The following NEDD4L variants were observed in gnomAD, a reference collection of about 807,000 sequenced individuals.
NEDD4L encodes E3 ubiquitin-protein ligase NEDD4-like.
Under a neutral mutation model 148.9 loss-of-function variants are expected in NEDD4L, and 54 were observed. The ratio of observed to expected loss-of-function variants is 0.36; its 90% CI spans 0.29 to 0.45. The LOEUF (loss-of-function observed/expected upper bound fraction) is 0.45. Among genes scored for constraint, NEDD4L ranks in the 20% least tolerant of loss-of-function variants. The pLI is 1.00. For missense variants in NEDD4L, 856 were observed against 1,233.8 expected (o/e 0.69, Z 4.59); for synonymous variants, 433 against 440.7 (o/e 0.98, Z 0.22).
chr18:58,371,150 C>T (rs966163900), intron 23 of NEDD4L, among the ~76,000 whole-genome samples: 1 of 151,834 alleles, frequency 6.6e-6, no homozygotes, highest in Non-Finnish European at 1.5e-5. Context: ...AATTCCCCTG[C>T]CTCAGCCTCT....
chr18:58,277,758 G>A (rs576742712), intron 5 of NEDD4L, among the ~76,000 whole-genome samples: 48 of 152,184 alleles, frequency 3.2e-4, no homozygotes, highest in Middle Eastern at 6.8e-3. Flanking sequence ...AAATAAAATA[G>A]CCTGTATGTT....
At chr18:58,394,292 T>G (rs983936678) in intron 30 of NEDD4L, among the ~76,000 whole-genome samples, 1 of 152,258 alleles carries the variant, frequency 6.6e-6, no homozygotes, top group East Asian at 1.9e-4. Context: ...AACACTGGGA[T>G]GCAAAGCGGT....
chr18:58,373,227 G>A lies in NEDD4L; in HGVS notation c.2310G>A (p.Glu770=), dbSNP rs1272027408. 1 of 1,581,090 alleles carries A rather than the reference G, an allele frequency of 6.3e-7. No individual in the cohort carries two copies. The highest frequency in any genetic ancestry group is 2.3e-5 in the East Asian group (1 of 43,962). The part of the protein sequence containing the change: ...LKWILENDPT[E]LDLMFCIDEE... ...GGATCCTGGAGAATGACCCTACTGA[G>A]CTGGACCTCATGTTCTGCATAGACG... Residue 770 remains glutamate, a synonymous_variant, in exon 24 of 31, where the codon GAG becomes GAA. Transcript: ENST00000400345.
intron 1 of NEDD4L, among the ~76,000 whole-genome samples, chr18:58,125,358 GGTGTGTGT>G (rs34644275): frequency 3.4e-5 from 5 of 148,712 alleles, no homozygotes; most frequent in South Asian, 2.2e-4. Flanking sequence ...CCACCAGGAG[GGTGTGTGT>G]GTGTGTGTGT....
intron 1 of NEDD4L, among the ~76,000 whole-genome samples, chr18:58,124,717 C>T (rs1216334412): frequency 1.3e-5 from 2 of 152,222 alleles, no homozygotes; most frequent in Non-Finnish European, 2.9e-5. Context: ...GGCACCAGCT[C>T]TTACCTGGTT....
At chr18:58,142,835 AT>A (rs5825265) in intron 1 of NEDD4L, among the ~76,000 whole-genome samples, 65,031 of 151,166 alleles carry the variant, frequency 0.43, 14,292 homozygotes, top group East Asian at 0.6. Context: ...ACCTTTTATC[AT>A]TTTTTTTTCA....
chr18:58,278,200 G>A (rs886276944), intron 5 of NEDD4L, among the ~76,000 whole-genome samples: 1 of 152,130 alleles, frequency 6.6e-6, no homozygotes, highest in East Asian at 1.9e-4. Context: ...TCTCTCCACT[G>A]GAAATGCATG....
intron 2 of NEDD4L, among the ~76,000 whole-genome samples, chr18:58,245,044 C>T (rs941969657): frequency 2.8e-4 from 42 of 152,116 alleles, no homozygotes; most frequent in African/African-American, 9.9e-4. Flanking sequence ...GTCACATGAA[C>T]AATGGCTCTT....
intron 27 of NEDD4L, 104 bp from the exon 28 acceptor site, chr18:58,388,981 C>T (rs1020093241): frequency 1.6e-5 from 14 of 866,028 alleles, no homozygotes; most frequent in Non-Finnish European, 2.1e-5. Flanking sequence ...AGCTTACCTT[C>T]GCGGCACAGT....
intron 19 of NEDD4L, among the ~76,000 whole-genome samples, chr18:58,357,667 G>T (rs1308512442): frequency 6.6e-6 from 1 of 152,172 alleles, no homozygotes; most frequent in Non-Finnish European, 1.5e-5. Context: ...TCAAAAATCT[G>T]TAGAAGTTTG....
intron 2 of NEDD4L, among the ~76,000 whole-genome samples, chr18:58,190,920 G>A (rs956593144): frequency 2.0e-5 from 3 of 152,108 alleles, no homozygotes; most frequent in African/African-American, 7.2e-5. Context: ...TGAACATAGC[G>A]AGTGACGTAG....
intron 1 of NEDD4L, among the ~76,000 whole-genome samples, chr18:58,068,491 T>C (rs1431534323): frequency 6.6e-6 from 1 of 152,052 alleles, no homozygotes; most frequent in Non-Finnish European, 1.5e-5. Context: ...GAGCCACCGC[T>C]CACAGCCGAA....
chr18:58,211,157 G>C (rs1251060637), intron 2 of NEDD4L, among the ~76,000 whole-genome samples: 1 of 152,112 alleles, frequency 6.6e-6, no homozygotes, highest in African/African-American at 2.4e-5. Flanking sequence ...TTTCCTAAAA[G>C]ACAAAACACT....
intron 2 of NEDD4L, among the ~76,000 whole-genome samples, chr18:58,229,816 C>T (rs964299093): frequency 6.6e-6 from 1 of 151,922 alleles, no homozygotes; most frequent in Non-Finnish European, 1.5e-5. Flanking sequence ...ATGGTGAAAC[C>T]CCGTCTCTAC....
intron 5 of NEDD4L, among the ~76,000 whole-genome samples, chr18:58,265,345 A>C (rs1323437385): frequency 1.3e-5 from 2 of 151,964 alleles, no homozygotes; most frequent in Non-Finnish European, 2.9e-5. Context: ...TTTTCCATCA[A>C]ATGTGGAGTT....
In NEDD4L at chr18:58,260,215, C is replaced by T. The variant is rs372143582; in HGVS notation, c.297+8161C>T. Among the ~76,000 whole-genome samples the T allele has an allele frequency of 3.7e-3, 560 of 152,214 alleles. 19 individuals are homozygous for T. The South Asian group carries it at 0.09, about 25-fold the overall frequency. ...TTAATATTGTAATGGAGAAGAAAAACAAGTAGCATTCTTTTCATTGACCTG... is the reference window on the plus strand; with the variant it reads ...TTAATATTGTAATGGAGAAGAAAAATAAGTAGCATTCTTTTCATTGACCTG... On this transcript the variant is annotated intron_variant, in intron 5 of 30. Transcript: ENST00000400345.
At chr18:58,389,457 T>C (rs2049497866) in intron 28 of NEDD4L, 1 of 313,926 alleles carries the variant, frequency 3.2e-6, no homozygotes, top group Non-Finnish European at 5.8e-6. Flanking sequence ...TGAAAGTGAC[T>C]TTTATTTGAG....
At chr18:58,184,810 C>T (rs2039269890) in intron 2 of NEDD4L, among the ~76,000 whole-genome samples, 1 of 152,132 alleles carries the variant, frequency 6.6e-6, no homozygotes, top group South Asian at 2.1e-4. Flanking sequence ...CGCCTGTAGT[C>T]CCAGCTACTT....
intron 5 of NEDD4L, among the ~76,000 whole-genome samples, chr18:58,309,589 G>A (rs2057441757): frequency 6.6e-6 from 1 of 151,828 alleles, no homozygotes; most frequent in Non-Finnish European, 1.5e-5. Context: ...AAGCTCCTAA[G>A]CACAACAGTG....
Sources: gnomAD v4.1 joint callset for allele counts (sites outside exome capture counted in the v4.1 genomes callset) on GRCh38, gnomAD v4.1.1 for gene constraint, MANE v1.5 for transcripts, NCBI Gene and HGNC (gene_info 2026-07-23, HGNC 2026-07-21) for gene names.